Variants in GABBR2 observed in about 807,000 individuals in gnomAD.
GABBR2 encodes the protein gamma-aminobutyric acid type B receptor subunit 2, also known as G-protein coupled receptor 51.
In GABBR2, 23 loss-of-function variants were observed where a neutral mutation model predicts 105.6. The ratio of observed to expected loss-of-function variants is 0.22; its 90% CI spans 0.16 to 0.31. The LOEUF (loss-of-function observed/expected upper bound fraction) is 0.31, where lower values mean the gene tolerates loss of function less well. Ranked by LOEUF, GABBR2 falls within the 10% of genes least tolerant of loss-of-function variation. The pLI is 1.00. For synonymous variants in GABBR2, 478 were observed against 499.7 expected (o/e 0.96, Z 0.58); for missense variants, 734 against 1,245.5 (o/e 0.59, Z 6.18).
intron 1 of GABBR2, among the ~76,000 whole-genome samples, chr9:98,589,341 T>C (rs2131793699): frequency 6.6e-6 from 1 of 152,322 alleles, no homozygotes; most frequent in East Asian, 1.9e-4. Context: ...TCTGAGCATC[T>C]GCTTCCCAGA....
At chr9:98,483,286 C>G in intron 4 of GABBR2, among the ~76,000 whole-genome samples, 1 of 152,194 alleles carries the variant, frequency 6.6e-6, no homozygotes, top group Non-Finnish European at 1.5e-5. Flanking sequence ...CCCAACCCTC[C>G]AGCCCCACTG....
chr9:98,702,576 C>T (rs1288546179), intron 1 of GABBR2, among the ~76,000 whole-genome samples: 3 of 152,158 alleles, frequency 2.0e-5, no homozygotes, highest in African/African-American at 7.2e-5. Context: ...CATTCAAGGC[C>T]GTCCACGCCC....
chr9:98,360,669 A>G (rs1807936235), intron 13 of GABBR2, among the ~76,000 whole-genome samples: 1 of 152,194 alleles, frequency 6.6e-6, no homozygotes, highest in Non-Finnish European at 1.5e-5. Flanking sequence ...AGCAGTGCTT[A>G]TTACAGAATA....
chr9:98,293,978 G>T, intron 17 of GABBR2, 76 bp from the exon 18 acceptor site: 1 of 864,982 alleles, frequency 1.2e-6, no homozygotes, highest in South Asian at 1.4e-5. Flanking sequence ...ACTTTTTGTA[G>T]GATGATGCCC....
chr9:98,456,725 G>A (rs1051939420), intron 6 of GABBR2, among the ~76,000 whole-genome samples: 1 of 152,170 alleles, frequency 6.6e-6, no homozygotes, highest in Non-Finnish European at 1.5e-5. Context: ...TCATTTCCCT[G>A]CATCCTTGAC....
At chr9:98,690,637 C>A (rs1182899086) in intron 1 of GABBR2, among the ~76,000 whole-genome samples, 1 of 152,168 alleles carries the variant, frequency 6.6e-6, no homozygotes, top group East Asian at 1.9e-4. Flanking sequence ...AGACCATGAT[C>A]CTCTCAAGAG....
chr9:98,605,735 C>T (rs189500716), intron 1 of GABBR2, among the ~76,000 whole-genome samples: 8 of 152,306 alleles, frequency 5.3e-5, no homozygotes, highest in Admixed American at 5.2e-4. Context: ...CATTTCTTCA[C>T]CTGTAATTCG....
At chr9:98,411,839 G>T (rs900377535) in intron 7 of GABBR2, among the ~76,000 whole-genome samples, 5 of 152,186 alleles carry the variant, frequency 3.3e-5, no homozygotes, top group African/African-American at 1.2e-4. Flanking sequence ...CCTGAAAAGT[G>T]CTGGGATTAT....
intron 6 of GABBR2, among the ~76,000 whole-genome samples, chr9:98,467,038 T>A (rs1479299552): frequency 6.6e-6 from 1 of 152,104 alleles, no homozygotes; most frequent in Non-Finnish European, 1.5e-5. Flanking sequence ...AAAGGCCATA[T>A]CCCCCTTTAA....
At chr9:98,670,956 A>G (rs1830399522) in intron 1 of GABBR2, among the ~76,000 whole-genome samples, 1 of 152,226 alleles carries the variant, frequency 6.6e-6, no homozygotes, top group Non-Finnish European at 1.5e-5. Context: ...ACTGAACTGT[A>G]CATACACTTA....
intron 1 of GABBR2, among the ~76,000 whole-genome samples, chr9:98,584,998 G>A (rs1012589729): frequency 1.3e-5 from 2 of 152,114 alleles, no homozygotes; most frequent in East Asian, 1.9e-4. Flanking sequence ...GAGTGACTCC[G>A]AGAGATGTCT....
intron 13 of GABBR2, among the ~76,000 whole-genome samples, chr9:98,315,891 G>A (rs767374506): frequency 2.3e-4 from 35 of 152,232 alleles, no homozygotes; most frequent in Non-Finnish European, 4.4e-5. Flanking sequence ...AGATTTCCAA[G>A]CACCATGGGG....
intron 1 of GABBR2, among the ~76,000 whole-genome samples, chr9:98,579,352 G>T (rs965513427): frequency 6.6e-6 from 1 of 152,134 alleles, no homozygotes; most frequent in Non-Finnish European, 1.5e-5. Flanking sequence ...GAGGCCAGGG[G>T]CCCACGACGA....
chr9:98,460,844 A>G (rs1262103293), intron 6 of GABBR2, among the ~76,000 whole-genome samples: 1 of 152,166 alleles, frequency 6.6e-6, no homozygotes, highest in Non-Finnish European at 1.5e-5. Flanking sequence ...AGTTCACTTC[A>G]GCACAGTGTA....
intron 7 of GABBR2, among the ~76,000 whole-genome samples, chr9:98,436,159 G>A (rs1825899039): frequency 6.7e-6 from 1 of 149,658 alleles, no homozygotes; most frequent in Admixed American, 6.7e-5. Flanking sequence ...TTTACCTGTG[G>A]TCCCATCACT....
intron 7 of GABBR2, among the ~76,000 whole-genome samples, chr9:98,429,515 C>T (rs536496573): frequency 6.6e-6 from 1 of 152,182 alleles, no homozygotes; most frequent in Non-Finnish European, 1.5e-5. Flanking sequence ...GACCTCGCTA[C>T]GTACATGCCT....
rs945688104 is a variant in GABBR2, at chr9:98,306,671, C to T, written c.2005-326G>A. 13 of 383,718 alleles carry T rather than the reference C, an allele frequency of 3.4e-5. No individual in the cohort carries two copies. Among genetic ancestry groups the T allele is most frequent in the Non-Finnish European group, 5.8e-5 (12 of 205,210 alleles). The allele number at this position is 383,718 out of a possible 1,614,324, so 23.8% of individuals were successfully genotyped here. A position where few individuals can be genotyped will look rare whatever the true frequency, so the allele number is the denominator to read the frequency against. ...AGATCTCAGCTTTCTCCCTCACTCT[C>T]TAGGGAATACTAATATCCAGAAGGG... On this transcript the variant is annotated intron_variant, in intron 14 of 18. Transcript: ENST00000259455. The surrounding 1 kb of genome is among the most constrained non-coding windows in gnomAD (Gnocchi z 5.4).
At chr9:98,323,215 G>T (rs1830856306) in intron 13 of GABBR2, among the ~76,000 whole-genome samples, 1 of 152,202 alleles carries the variant, frequency 6.6e-6, no homozygotes, top group Admixed American at 6.5e-5. Context: ...CCCTGGTCAT[G>T]GTGTGGCGGG....
Position 98,371,123 on chromosome 9 carries a change from T to C in GABBR2, c.1770+341A>G, listed in dbSNP as rs41273931. On this transcript the variant is annotated intron_variant, in intron 12 of 18. Transcript: ENST00000259455. The stretch of plus-strand genomic sequence containing the variant: ...CCCATCCCCAGGCTGCCACGGATGG[T>C]TCCTTTGACAAGGTCCCCAGCATCC... Among the ~76,000 whole-genome samples the C allele has an allele frequency of 6.9e-3, 1,055 of 152,128 alleles. 6 individuals carry two copies. Among genetic ancestry groups the C allele is most frequent in the Middle Eastern group, 0.017 (5 of 294 alleles).
Sources: gnomAD v4.1 joint callset for allele counts (sites outside exome capture counted in the v4.1 genomes callset) on GRCh38, gnomAD v4.1.1 for gene constraint, Gnocchi (gnomAD v3.1) non-coding constraint, MANE v1.5 for transcripts, NCBI Gene and HGNC (gene_info 2026-07-23, HGNC 2026-07-21) for gene names.